Variants in JAKMIP2 observed in about 807,000 individuals in gnomAD.
JAKMIP2 encodes janus kinase and microtubule-interacting protein 2.
JAKMIP2 carries 25 observed loss-of-function variants against 115.0 expected under a neutral mutation model. The ratio of observed to expected loss-of-function variants is 0.22; its 90% CI spans 0.16 to 0.30. The LOEUF (loss-of-function observed/expected upper bound fraction) is 0.30. JAKMIP2 is among the 10% of genes least tolerant of loss of function. The pLI is 1.00. For synonymous variants in JAKMIP2, 334 were observed against 343.6 expected, an observed-to-expected ratio of 0.97 and a Z score of 0.31; for missense variants, 642 against 957.6, an observed-to-expected ratio of 0.67 and a Z score of 4.35.
chr5:147,684,362 G>A (rs1194587696), intron 1 of JAKMIP2, among the ~76,000 whole-genome samples: 3 of 151,270 alleles, frequency 2.0e-5, no homozygotes, highest in Non-Finnish European at 2.9e-5. Flanking sequence ...GTATCATGAG[G>A]CCAAGACTAT....
intron 21 of JAKMIP2, among the ~76,000 whole-genome samples, chr5:147,597,777 C>G (rs1206423723): frequency 6.6e-6 from 1 of 152,174 alleles, no homozygotes; most frequent in African/African-American, 2.4e-5. Flanking sequence ...GTGTCTCCCA[C>G]AAAGCGTGTG....
chr5:147,721,301 T>A (rs778820162), intron 1 of JAKMIP2, among the ~76,000 whole-genome samples: 1 of 152,132 alleles, frequency 6.6e-6, no homozygotes, highest in South Asian at 2.1e-4. Flanking sequence ...GCTGTCTTTT[T>A]GTTTGTCTGT....
At chr5:147,702,890 A>G (rs1752431513) in intron 1 of JAKMIP2, among the ~76,000 whole-genome samples, 1 of 152,166 alleles carries the variant, frequency 6.6e-6, no homozygotes. Flanking sequence ...CTCCTCATAA[A>G]TATACTTGGG....
rs1466270514 is a variant in JAKMIP2, at chr5:147,782,663, C to CA, written c.-357_-356insT. ...GTATCAGCAATAGAGGCGGCGGCGG[C>CA]GGCAGCAGCAGCAGCAGCAGCATCA... On this transcript the variant is annotated 5_prime_UTR_variant, in exon 1 of 22. The change abolishes the stop of an existing upstream ORF in the 5' untranslated region. Coordinates refer to ENST00000616793, the MANE Select transcript of JAKMIP2 (RefSeq NM_001270941.2). 132 of 666,788 alleles carry CA rather than the reference C, an allele frequency of 2.0e-4. 1 individual carries two copies. The highest frequency in any genetic ancestry group is 3.0e-4 in the Non-Finnish European group (109 of 367,464). 41.3% of individuals were successfully genotyped at this position (666,788 alleles called of 1,614,324 possible).
intron 1 of JAKMIP2, among the ~76,000 whole-genome samples, chr5:147,690,468 A>T (rs1751776612): frequency 6.6e-6 from 1 of 150,494 alleles, no homozygotes; most frequent in East Asian, 2.0e-4. Flanking sequence ...GTTGCACCTC[A>T]AAACATTTAA....
In JAKMIP2 at chr5:147,612,354, T is replaced by C; in HGVS notation, c.2364A>G (p.Glu788=). The C allele has an allele frequency of 1.3e-6, 2 of 1,566,328 alleles. No homozygotes were observed. The highest frequency in any genetic ancestry group is 1.8e-6 in the Non-Finnish European group (2 of 1,142,750). ...GTCTTTTCTGGATGTCTGTTTTATC[T>C]TCTAAGTCACGAATTCTCTGAAGAA... ...QQAHQRIRDL[E]DKTDIQKRQI... is the part of the protein sequence containing the mutation. The change falls in exon 20 of 22, where the codon GAA becomes GAG. Residue 788 remains glutamate, a synonymous_variant. Transcript: ENST00000616793.
intron 18 of JAKMIP2, among the ~76,000 whole-genome samples, chr5:147,619,570 C>T (rs1351752200): frequency 6.6e-5 from 10 of 152,148 alleles, no homozygotes; most frequent in Non-Finnish European, 1.5e-4. Flanking sequence ...CTTTAACTTG[C>T]TCTTTTTCTT....
intron 1 of JAKMIP2, among the ~76,000 whole-genome samples, chr5:147,739,583 A>G (rs1754064391): frequency 6.6e-6 from 1 of 152,150 alleles, no homozygotes; most frequent in Non-Finnish European, 1.5e-5. Flanking sequence ...AAGGTAAAAG[A>G]GTCAGCTTTG....
intron 2 of JAKMIP2, among the ~76,000 whole-genome samples, chr5:147,665,786 T>C (rs113135401): frequency 0.032 from 4,926 of 152,278 alleles, 290 homozygotes; most frequent in African/African-American, 0.11. Flanking sequence ...ATATTATTAC[T>C]GGATATAATA....
At chr5:147,715,676 C>G (rs961177682) in intron 1 of JAKMIP2, among the ~76,000 whole-genome samples, 1 of 151,606 alleles carries the variant, frequency 6.6e-6, no homozygotes, top group East Asian at 1.9e-4. Flanking sequence ...AAAAATTGAC[C>G]AAATTTTAAA....
intron 1 of JAKMIP2, among the ~76,000 whole-genome samples, chr5:147,752,828 T>C (rs1490290926): frequency 1.3e-5 from 2 of 152,144 alleles, no homozygotes; most frequent in Non-Finnish European, 2.9e-5. Context: ...TATTTCTAGC[T>C]TTTTGGCTAG....
At chr5:147,639,878 A>G (rs921251836) in intron 9 of JAKMIP2, 118 bp from the exon 10 acceptor site, 12 of 1,177,074 alleles carry the variant, frequency 1.0e-5, no homozygotes, top group Non-Finnish European at 1.3e-5. Context: ...TTAACAGTCT[A>G]TTTGATTTTA....
At chr5:147,710,852 T>C (rs1051024734) in intron 1 of JAKMIP2, among the ~76,000 whole-genome samples, 1 of 152,228 alleles carries the variant, frequency 6.6e-6, no homozygotes, top group African/African-American at 2.4e-5. Context: ...TTATTTTATA[T>C]CTTGATGCAG....
intron 20 of JAKMIP2, among the ~76,000 whole-genome samples, chr5:147,611,726 T>C (rs1483100772): frequency 4.6e-5 from 7 of 152,198 alleles, no homozygotes; most frequent in African/African-American, 1.7e-4. Flanking sequence ...CTGAGCTCTG[T>C]CTGTTCTCCC....
At chr5:147,780,492 A>G (rs888108122) in intron 1 of JAKMIP2, among the ~76,000 whole-genome samples, 1 of 152,224 alleles carries the variant, frequency 6.6e-6, no homozygotes. Context: ...AATTTTTGGA[A>G]GTCAAGTGTT....
rs144223118 is a variant in JAKMIP2 at position 147,629,714 on chromosome 5, A to G, written c.1908T>C (p.Leu636=). The change falls in exon 15 of 22, where the codon CTT becomes CTC. Residue 636 remains leucine, a synonymous_variant. Transcript: ENST00000616793. ...DVNIPDLIKQ[L]DILGDNGNLR... ...TTACCCCATTATCACCCAAGATATC[A>G]AGCTGCTTTATGAGATCAGGGATGT... The G allele has an allele frequency of 3.7e-5, 59 of 1,612,782 alleles. 1 individual carries two copies. In the East Asian group the frequency reaches 1.3e-3, roughly 36 times the overall value.
chr5:147,698,227 A>G (rs1752183576), intron 1 of JAKMIP2, among the ~76,000 whole-genome samples: 1 of 152,172 alleles, frequency 6.6e-6, no homozygotes, highest in Admixed American at 6.5e-5. Context: ...TGTTCTGGCC[A>G]ATTTGTCCCA....
rs562147837 is a variant in JAKMIP2, at chr5:147,678,149, A to T, written c.-148-6195T>A. ...CTCCTGAGTAGCTGGGATTACAGGC[A>T]TGCGCCACCACTCTCGGCTAATTTT... On this transcript the variant is annotated intron_variant, in intron 1 of 21. Transcript: ENST00000616793. Among the ~76,000 whole-genome samples the T allele has an allele frequency of 1.1e-3, 170 of 152,192 alleles. 1 individual carries two copies. Among genetic ancestry groups the T allele is most frequent in the African/African-American group, 3.8e-3 (159 of 41,524 alleles).
intron 1 of JAKMIP2, among the ~76,000 whole-genome samples, chr5:147,782,232 A>G (rs2127102050): frequency 6.6e-6 from 1 of 152,226 alleles, no homozygotes; most frequent in South Asian, 2.1e-4. Context: ...CCAGTTAGAG[A>G]TAAAATCAGA....
Sources: gnomAD v4.1 joint callset for allele counts (sites outside exome capture counted in the v4.1 genomes callset) on GRCh38, gnomAD v4.1.1 for gene constraint, MANE v1.5 for transcripts, NCBI Gene and HGNC (gene_info 2026-07-23, HGNC 2026-07-21) for gene names.